RABGAP1L: variants seen among roughly 807,000 people sequenced by gnomAD.
The protein encoded by RABGAP1L is RAB GTPase activating protein 1 like.
In RABGAP1L, 63 loss-of-function variants were observed where a neutral mutation model predicts 137.7. The ratio of observed to expected loss-of-function variants is 0.46; its 90% confidence interval spans 0.37 to 0.56. The LOEUF (loss-of-function observed/expected upper bound fraction) is 0.56, where lower values mean the gene tolerates loss of function less well. RABGAP1L is among the 20% of genes least tolerant of loss of function. RABGAP1L has a pLI of 0.00. For synonymous variants in RABGAP1L, 431 were observed against 433.7 expected (o/e 0.99, Z 0.08); for missense variants, 1,095 against 1,244.0 (o/e 0.88, Z 1.80).
intron 13 of RABGAP1L, among the ~76,000 whole-genome samples, chr1:174,520,534 A>C (rs1360190865): frequency 6.6e-6 from 1 of 152,246 alleles, no homozygotes; most frequent in Non-Finnish European, 1.5e-5. Flanking sequence ...AAACAGCACA[A>C]CATAACTCTA....
intron 19 of RABGAP1L, among the ~76,000 whole-genome samples, chr1:174,887,655 A>G (rs1228843942): frequency 1.3e-5 from 2 of 152,122 alleles, no homozygotes; most frequent in Non-Finnish European, 2.9e-5. Flanking sequence ...AGTTAAGTCC[A>G]TGGACCCCTT....
intron 21 of RABGAP1L, among the ~76,000 whole-genome samples, chr1:174,969,941 G>A (rs1255465643): frequency 6.6e-6 from 1 of 152,220 alleles, no homozygotes; most frequent in Non-Finnish European, 1.5e-5. Flanking sequence ...ATCTCATAGA[G>A]ATGATATAAC....
chr1:174,257,360 T>A (rs1274513043), intron 7 of RABGAP1L, among the ~76,000 whole-genome samples: 2 of 152,210 alleles, frequency 1.3e-5, no homozygotes, highest in Non-Finnish European at 2.9e-5. Flanking sequence ...ATCCTTCCTT[T>A]TCTCAGTAAG....
intron 11 of RABGAP1L, among the ~76,000 whole-genome samples, chr1:174,316,359 G>A (rs1041884775): frequency 2.0e-5 from 3 of 152,044 alleles, no homozygotes; most frequent in Non-Finnish European, 2.9e-5. Context: ...TCACTGTCTG[G>A]GCTTATTAGT....
intron 1 of RABGAP1L, among the ~76,000 whole-genome samples, chr1:174,214,730 A>G (rs1241248246): frequency 6.6e-6 from 1 of 152,126 alleles, no homozygotes; most frequent in Non-Finnish European, 1.5e-5. Flanking sequence ...AGAACATAAC[A>G]CTGGGGAAAG....
intron 14 of RABGAP1L, among the ~76,000 whole-genome samples, chr1:174,643,147 T>C (rs1459561432): frequency 5.9e-5 from 9 of 152,112 alleles, no homozygotes; most frequent in Non-Finnish European, 1.0e-4. Flanking sequence ...GTGGAACTCC[T>C]TCCACTCATA....
chr1:174,399,009 G>C (rs994591407), intron 13 of RABGAP1L, among the ~76,000 whole-genome samples: 3 of 152,092 alleles, frequency 2.0e-5, no homozygotes, highest in African/African-American at 7.2e-5. Flanking sequence ...ACAACTTTAA[G>C]TTTTTAATGT....
At chr1:174,785,738 C>T (rs892309253) in intron 18 of RABGAP1L, among the ~76,000 whole-genome samples, 2 of 152,192 alleles carry the variant, frequency 1.3e-5, no homozygotes, top group African/African-American at 2.4e-5. Flanking sequence ...CTATAACCCA[C>T]GCTGCTTCTC....
At chr1:174,549,498 G>A (rs1397072358) in intron 13 of RABGAP1L, among the ~76,000 whole-genome samples, 1 of 152,114 alleles carries the variant, frequency 6.6e-6, no homozygotes, top group East Asian at 1.9e-4. Context: ...AAAGAGAAAA[G>A]CCACTGCAAG....
At chr1:174,459,252 T>C (rs1656397698) in intron 13 of RABGAP1L, among the ~76,000 whole-genome samples, 1 of 152,152 alleles carries the variant, frequency 6.6e-6, no homozygotes, top group Admixed American at 6.5e-5. Flanking sequence ...TAATATTTGC[T>C]TTGGCAGTAC....
chr1:174,185,989 C>A (rs1186438569), intron 1 of RABGAP1L, among the ~76,000 whole-genome samples: 1 of 151,876 alleles, frequency 6.6e-6, no homozygotes, highest in African/African-American at 2.4e-5. Flanking sequence ...ACTAAAAATA[C>A]AAAATTAGCC....
chr1:174,779,455 G>C (rs1225823039), intron 18 of RABGAP1L, among the ~76,000 whole-genome samples: 1 of 152,210 alleles, frequency 6.6e-6, no homozygotes, highest in Non-Finnish European at 1.5e-5. Flanking sequence ...GTGTGAGGCT[G>C]TTTATCCCCT....
chr1:174,949,085 G>A (rs914371445), intron 19 of RABGAP1L, among the ~76,000 whole-genome samples: 1 of 152,108 alleles, frequency 6.6e-6, no homozygotes, highest in Non-Finnish European at 1.5e-5. Context: ...ATAGTTTTAT[G>A]TACTTTCTGG....
intron 12 of RABGAP1L, among the ~76,000 whole-genome samples, 181 bp from the exon 13 acceptor site, chr1:174,393,814 A>G (rs989328320): frequency 6.6e-6 from 1 of 152,202 alleles, no homozygotes; most frequent in African/African-American, 2.4e-5. Flanking sequence ...AGAAGATGAG[A>G]TCAATAAAAA....
chr1:174,281,519 G>C (rs373280128), intron 10 of RABGAP1L, among the ~76,000 whole-genome samples: 15 of 152,134 alleles, frequency 9.9e-5, no homozygotes, highest in Admixed American at 2.0e-4. Flanking sequence ...AGTCCCACCC[G>C]ACCCAGAAGC....
intron 13 of RABGAP1L, among the ~76,000 whole-genome samples, chr1:174,491,013 A>G (rs759403116): frequency 5.9e-5 from 9 of 152,080 alleles, no homozygotes; most frequent in Non-Finnish European, 1.2e-4. Context: ...GCCATCTAAA[A>G]GCCAAGGCCT....
At chr1:174,642,743 C>T (rs1240940188) in intron 14 of RABGAP1L, among the ~76,000 whole-genome samples, 1 of 137,070 alleles carries the variant, frequency 7.3e-6, no homozygotes, top group African/African-American at 2.8e-5. Context: ...CCCCCTCTCC[C>T]CCTCTCCCCT....
chr1:174,193,970 A>G (rs1187327549), intron 1 of RABGAP1L, among the ~76,000 whole-genome samples: 1 of 152,162 alleles, frequency 6.6e-6, no homozygotes, highest in Non-Finnish European at 1.5e-5. Context: ...AGATGGGAAT[A>G]TTTATCCTCC....
intron 12 of RABGAP1L, among the ~76,000 whole-genome samples, chr1:174,393,139 TG>T (rs1404736679): frequency 6.6e-6 from 1 of 152,142 alleles, no homozygotes; most frequent in Non-Finnish European, 1.5e-5. Context: ...TGCACACCTT[TG>T]GGATGTGGTA....
Sources: allele counts gnomAD v4.1 joint callset (sites outside exome capture counted in the v4.1 genomes callset), GRCh38; gene constraint gnomAD v4.1.1; transcripts MANE v1.5; gene names NCBI Gene and HGNC (gene_info 2026-07-23, HGNC 2026-07-21).